Variants in BOD1L1 observed in about 807,000 individuals in gnomAD.
BOD1L1 encodes the protein biorientation of chromosomes in cell division protein 1-like 1.
In BOD1L1, 86 loss-of-function variants were observed where a neutral mutation model predicts 240.7. The observed-to-expected ratio is 0.36, with a 90% CI of 0.30 to 0.43. The LOEUF (loss-of-function observed/expected upper bound fraction) is 0.43. Among genes scored for constraint, BOD1L1 ranks in the 20% least tolerant of loss-of-function variants. The pLI, the probability that BOD1L1 is intolerant of heterozygous loss-of-function variation, is 1.00. For synonymous variants in BOD1L1, 1,268 were observed against 1,272.3 expected, an observed-to-expected ratio of 1.00 and a Z score of 0.07; for missense variants, 3,554 against 3,643.5, an observed-to-expected ratio of 0.98 and a Z score of 0.63.
intron 18 of BOD1L1, 149 bp from the exon 19 acceptor site, chr4:13,582,459 G>T: frequency 2.8e-6 from 2 of 726,068 alleles, no homozygotes; most frequent in South Asian, 3.6e-5. Flanking sequence ...CCTGAGTTTG[G>T]GTGACTAGTA....
In BOD1L1 at chr4:13,601,314, C is replaced by G; in HGVS notation, c.5586G>C (p.Glu1862Asp). 1.9e-6 allele frequency: 3 copies of G among 1,614,006 alleles called. No homozygotes were observed. The highest frequency in any genetic ancestry group is 2.5e-6 in the Non-Finnish European group (3 of 1,179,898). ...CAACATCCTCCCCTTCCTCGTCTTC[C>G]TCTTTTGCGCCTGTGCTAGTCACAA... ...EGIVTSTGAK[E>D]EDEEGEDVVT... Residue 1862 changes from glutamate to aspartate, a missense_variant, in exon 10 of 26, where the codon GAG becomes GAC. Physicochemically the swap from Glu to Asp is conservative, Grantham distance 45. Transcript: ENST00000040738.
chr4:13,616,145 G>A (rs574951336), intron 2 of BOD1L1, among the ~76,000 whole-genome samples: 1 of 152,212 alleles, frequency 6.6e-6, no homozygotes, highest in South Asian at 2.1e-4. Flanking sequence ...CACTATGCTG[G>A]CCACTGACAG....
Position 13,614,529 on chromosome 4 carries a change from T to G in BOD1L1, c.841A>C (p.Ser281Arg). Residue 281 changes from serine (S) to arginine (R), a missense_variant, in exon 4 of 26, where the codon AGC becomes CGC. By Grantham distance (110) the Ser-to-Arg change is moderately radical (BLOSUM62 -1). This residue lies in a region of BOD1L1 where 3,393 missense variants were observed against 3,427.1 expected (regional missense o/e 0.99). Coordinates refer to ENST00000040738, the MANE Select transcript of BOD1L1 (RefSeq NM_148894.3). ...TCTTCGACTGGACAGGGGAGGTCGC[T>G]GAACTCTTCAGACTTTGGGGCTGTT... ...LETAPKSEEF[S>R]DLPCPVEEIK... The G allele has an allele frequency of 6.2e-7, 1 of 1,614,024 alleles. No homozygotes were observed.
chr4:13,601,764 T>G lies in BOD1L1; in HGVS notation c.5136A>C (p.Gly1712=). 6.2e-7 allele frequency: 1 copy of G among 1,613,992 alleles called. No homozygotes were observed. The highest frequency in any genetic ancestry group is 8.5e-7 in the Non-Finnish European group (1 of 1,179,880). ...ISSEEVDGSQ[G]NMMRMGPKKE... is the part of the protein sequence containing the mutation. ...TTTTGGGACCCATTCTCATCATATTTCCCTGGGAGCCATCCACCTCTTCAC... is the reference window on the plus strand; with the variant it reads ...TTTTGGGACCCATTCTCATCATATTGCCCTGGGAGCCATCCACCTCTTCAC... The change falls in exon 10 of 26, where the codon GGA becomes GGC. Residue 1712 remains glycine (G), a synonymous_variant. Transcript: ENST00000040738.
intron 25 of BOD1L1, among the ~76,000 whole-genome samples, chr4:13,570,749 G>C (rs192166939): frequency 8.5e-5 from 13 of 152,280 alleles, no homozygotes; most frequent in African/African-American, 3.1e-4. Flanking sequence ...GGTCTCTGAT[G>C]CTTTCAGGAG....
At chr4:13,580,709 G>A (rs540817501) in intron 21 of BOD1L1, among the ~76,000 whole-genome samples, 7 of 152,076 alleles carry the variant, frequency 4.6e-5, no homozygotes, top group African/African-American at 1.7e-4. Flanking sequence ...TCTCTATAAA[G>A]AAGCCACTAT....
At chr4:13,620,201 C>T in intron 1 of BOD1L1, 134 bp from the exon 2 acceptor site, 3 of 854,184 alleles carry the variant, frequency 3.5e-6, no homozygotes, top group South Asian at 4.3e-5. Flanking sequence ...AACTTACACT[C>T]ATTCAAATAC....
intron 9 of BOD1L1, among the ~76,000 whole-genome samples, chr4:13,605,499 G>A (rs879724431): frequency 1.3e-5 from 2 of 152,096 alleles, no homozygotes; most frequent in Non-Finnish European, 2.9e-5. Context: ...AGGTGTGTTA[G>A]GAATGAGTTT....
rs1715280219 is a variant in BOD1L1, at chr4:13,602,472, C to A, written c.4428G>T (p.Arg1476Ser). The change falls in exon 10 of 26, where the codon AGG becomes AGT. Residue 1476 changes from arginine (R) to serine (S), a missense_variant. Physicochemically the swap from Arg to Ser is moderately radical, Grantham distance 110. This residue lies in a region of BOD1L1 where 3,393 missense variants were observed against 3,427.1 expected (regional missense o/e 0.99). Transcript: ENST00000040738. ...TGGTGTCTACCTCACTGTTTTCATT[C>A]CTTCTTTCAACATCAATTGATATGT... ...VKDISIDVER[R>S]NENSEVDTSA... is the part of the protein sequence containing the mutation. The A allele has an allele frequency of 6.2e-7, 1 of 1,613,834 alleles. No individual in the cohort carries two copies. The highest frequency in any genetic ancestry group is 1.3e-5 in the African/African-American group (1 of 74,912).
intron 21 of BOD1L1, 118 bp downstream of exon 21, chr4:13,580,898 TACTC>T: frequency 1.2e-6 from 1 of 847,222 alleles, no homozygotes; most frequent in African/African-American, 1.7e-5. Context: ...TATGAATGGT[TACTC>T]AGTCTTTTAA....
In BOD1L1 at chr4:13,615,512, A is replaced by G. The variant is rs1295641931; in HGVS notation, c.369-10T>C. 1 of 1,577,228 alleles carries G rather than the reference A, an allele frequency of 6.3e-7. No homozygotes were observed. The highest frequency in any genetic ancestry group is 8.6e-7 in the Non-Finnish European group (1 of 1,160,618). On this transcript the variant is annotated splice_polypyrimidine_tract_variant and intron_variant, in intron 2 of 25. Transcript: ENST00000040738. ...CTCCAACATTCCTGATCTGAAACAC[A>G]AGATAATTTATGGAAAGGTGAAAAA...
At chr4:13,616,655 C>A (rs756352299) in intron 2 of BOD1L1, among the ~76,000 whole-genome samples, 1 of 152,224 alleles carries the variant, frequency 6.6e-6, no homozygotes, top group Non-Finnish European at 1.5e-5. Flanking sequence ...GAGGAGCCAT[C>A]TTTCCTTACA....
chr4:13,611,064 T>C lies in BOD1L1; in HGVS notation c.1361A>G (p.Gln454Arg), dbSNP rs775591325. ...TTTTCCTTCACTAGAATCACTAGTT[T>C]GAGTTTTTGTTTTATTCTGTTTGTT... The part of the protein sequence containing the change: ...EKNKQNKTKT[Q>R]TSDSSEGKTK... Residue 454 changes from glutamine to arginine, a missense_variant, in exon 6 of 26, where the codon CAA becomes CGA. Coordinates refer to ENST00000040738, the MANE Select transcript of BOD1L1 (RefSeq NM_148894.3). 7 of 1,610,560 alleles carry C rather than the reference T, an allele frequency of 4.3e-6. No individual in the cohort carries two copies. In the Admixed American group the frequency reaches 6.7e-5, roughly 15 times the overall value.
At chr4:13,574,969 G>A (rs982201406) in intron 25 of BOD1L1, among the ~76,000 whole-genome samples, 1 of 151,708 alleles carries the variant, frequency 6.6e-6, no homozygotes, top group African/African-American at 2.4e-5. Context: ...ACCCAGGCTG[G>A]AGTGCAATGG....
intron 1 of BOD1L1, among the ~76,000 whole-genome samples, chr4:13,621,802 C>A (rs921764170): frequency 2.6e-5 from 4 of 152,034 alleles, no homozygotes; most frequent in Non-Finnish European, 4.4e-5. Context: ...TATTTCCTGT[C>A]CTACATGATC....
At chr4:13,623,415 C>T (rs1161725985) in intron 1 of BOD1L1, 2 of 152,180 alleles carry the variant, frequency 1.3e-5, no homozygotes, top group Admixed American at 6.5e-5. Flanking sequence ...CCTGAAGGGC[C>T]TCTTGATCAT....
At position 13,587,908 on chromosome 4, in the gene BOD1L1, G is replaced by A. The variant is rs563601109; in HGVS notation, c.8281-137C>T. 5.0e-5 allele frequency: 30 copies of A among 595,498 alleles called. No individual in the cohort carries two copies. In the Admixed American group the frequency reaches 5.6e-4, roughly 11 times the overall value. 36.9% of individuals were successfully genotyped at this position (595,498 alleles called of 1,614,324 possible). ...TTTTAAAAATCTAGAACACTTGGCC[G>A]GGTGCAGTGGCTCACACCTGTAATC... On this transcript the variant is annotated intron_variant, in intron 15 of 25. Transcript: ENST00000040738.
intron 9 of BOD1L1, among the ~76,000 whole-genome samples, chr4:13,605,959 G>A (rs1715667302): frequency 6.6e-6 from 1 of 152,112 alleles, no homozygotes; most frequent in Non-Finnish European, 1.5e-5. Flanking sequence ...TTAATGAGTG[G>A]AGGTTGACTA....
chr4:13,625,557 A>T (rs889139906), intron 1 of BOD1L1: 5 of 152,194 alleles, frequency 3.3e-5, no homozygotes, highest in Admixed American at 2.6e-4. Context: ...ACAATTTTTA[A>T]TTTGTATACA....
Sources: allele counts gnomAD v4.1 joint callset (sites outside exome capture counted in the v4.1 genomes callset), GRCh38; gene constraint gnomAD v4.1.1; regional missense constraint gnomAD v4.1.1; transcripts MANE v1.5; gene names NCBI Gene and HGNC (gene_info 2026-07-23, HGNC 2026-07-21).